VIPR2: variants seen among roughly 807,000 people sequenced by gnomAD.
VIPR2 encodes the protein vasoactive intestinal polypeptide receptor 2.
Under a neutral mutation model 58.0 loss-of-function variants are expected in VIPR2, and 48 were observed. That is an observed-to-expected ratio of 0.83 (90% CI 0.66 to 1.05). VIPR2 has a LOEUF of 1.05. Ranked by LOEUF, VIPR2 falls within the 50% of genes least tolerant of loss-of-function variation. VIPR2 has a pLI of 0.00. For missense variants in VIPR2, 534 were observed against 558.0 expected, an observed-to-expected ratio of 0.96 and a Z score of 0.43; for synonymous variants, 243 against 235.2, an observed-to-expected ratio of 1.03 and a Z score of -0.30.
intron 4 of VIPR2, among the ~76,000 whole-genome samples, chr7:159,076,809 G>T (rs1345510838): frequency 6.6e-6 from 1 of 152,036 alleles, no homozygotes; most frequent in Non-Finnish European, 1.5e-5. Context: ...CGTTGGTTTA[G>T]TTTTTTTAAA....
intron 4 of VIPR2, among the ~76,000 whole-genome samples, chr7:159,064,909 G>C (rs1855995801): frequency 6.6e-6 from 1 of 152,196 alleles, no homozygotes; most frequent in African/African-American, 2.4e-5. Context: ...TCCTGTCTCA[G>C]CTTTGCAGGG....
rs56823055 is a variant in VIPR2, at chr7:159,126,203, T to C, written c.151+16243A>G. Among the ~76,000 whole-genome samples, 623 of 152,282 alleles carry C rather than the reference T, an allele frequency of 4.1e-3. 1 individual carries two copies. Among genetic ancestry groups the C allele is most frequent in the African/African-American group, 0.014 (597 of 41,552 alleles). On this transcript the variant is annotated intron_variant, in intron 2 of 12. Coordinates refer to ENST00000262178, the MANE Select transcript of VIPR2 (RefSeq NM_003382.5). ...CATTTTTGAATGCTGCCTTTTCAGG[T>C]GGCCAATTACAAAATATCTTGTTAC...
rs115734809 is a variant in VIPR2, at chr7:159,046,094, G to A, written c.456-2918C>T. On this transcript the variant is annotated intron_variant, in intron 5 of 12. Transcript: ENST00000262178. The stretch of plus-strand genomic sequence containing the variant: ...AAAATAAAAAGTATTGGATGGGTGT[G>A]AAGAAACTGGAACCCTCATATATTG... Among the ~76,000 whole-genome samples the A allele has an allele frequency of 8.4e-3, 1,272 of 152,226 alleles. 18 individuals are homozygous for A. Among genetic ancestry groups the A allele is most frequent in the African/African-American group, 0.029 (1,203 of 41,550 alleles).
At chr7:159,047,472 C>T (rs1854725505) in intron 5 of VIPR2, among the ~76,000 whole-genome samples, 1 of 151,946 alleles carries the variant, frequency 6.6e-6, no homozygotes, top group Admixed American at 6.6e-5. Flanking sequence ...TTCCATTTGT[C>T]AAAGAATTCG....
intron 2 of VIPR2, among the ~76,000 whole-genome samples, chr7:159,124,501 T>G (rs1237494600): frequency 6.6e-6 from 1 of 152,236 alleles, no homozygotes. Context: ...CATTGGTCTA[T>G]GTGCCTGTTT....
intron 2 of VIPR2, among the ~76,000 whole-genome samples, chr7:159,140,193 C>T (rs2129498230): frequency 6.6e-6 from 1 of 152,236 alleles, no homozygotes; most frequent in Non-Finnish European, 1.5e-5. Context: ...ATTTCTGGCA[C>T]TCTTTCACAC....
intron 1 of VIPR2, 85 bp downstream of exon 1, chr7:159,144,636 C>T: frequency 7.3e-7 from 1 of 1,377,096 alleles, no homozygotes; most frequent in Non-Finnish European, 9.5e-7. Flanking sequence ...GGGAGGAAGG[C>T]GAAGACCGGC....
chr7:159,039,630 T>TG (rs1182396766), intron 6 of VIPR2, among the ~76,000 whole-genome samples: 2 of 50,280 alleles, frequency 4.0e-5, no homozygotes, highest in African/African-American at 1.4e-4. Flanking sequence ...TTAGTGCCCC[T>TG]GTAAAGGGAC....
chr7:159,120,144 G>T (rs530445132), intron 2 of VIPR2, among the ~76,000 whole-genome samples: 5 of 152,314 alleles, frequency 3.3e-5, no homozygotes, highest in African/African-American at 1.2e-4. Flanking sequence ...CCACACAGCC[G>T]TGCCTGTGTT....
intron 3 of VIPR2, among the ~76,000 whole-genome samples, chr7:159,107,297 A>C (rs1795790288): frequency 6.6e-6 from 1 of 152,172 alleles, no homozygotes; most frequent in African/African-American, 2.4e-5. Context: ...CACAGAAAGC[A>C]AGTCAAGGGA....
intron 4 of VIPR2, among the ~76,000 whole-genome samples, chr7:159,063,679 CCT>C (rs1483144654): frequency 2.0e-5 from 3 of 148,354 alleles, no homozygotes; most frequent in African/African-American, 5.0e-5. Context: ...CATGCTGTCA[CCT>C]CTCAGTGGGG....
At chr7:159,058,614 T>A in intron 4 of VIPR2, 36 bp from the exon 5 acceptor site, 2 of 1,466,906 alleles carry the variant, frequency 1.4e-6, no homozygotes, top group Non-Finnish European at 1.9e-6. Flanking sequence ...AAGCTGAGGG[T>A]GACCAGCAAC....
intron 3 of VIPR2, among the ~76,000 whole-genome samples, chr7:159,109,518 G>A (rs1035457281): frequency 6.6e-6 from 1 of 152,162 alleles, no homozygotes; most frequent in East Asian, 1.9e-4. Flanking sequence ...GGGCCCCCTT[G>A]CCTCCCCTCC....
At position 159,031,707 on chromosome 7, in the gene VIPR2, C is replaced by T; in HGVS notation, c.1143+121G>A. The T allele has an allele frequency of 1.9e-6, 3 of 1,563,884 alleles. No individual in the cohort carries two copies. The highest frequency in any genetic ancestry group is 2.6e-6 in the Non-Finnish European group (3 of 1,160,440). On this transcript the variant is annotated intron_variant, in intron 12 of 12. Transcript: ENST00000262178. This position sits in a 1 kb window ranked among gnomAD's most constrained non-coding sequence, Gnocchi z 4.0. ...GATGGGGACACAGAACTGTGGGGTC[C>T]CGGGCAGTAACTCGAGCCCGCGGAA... is the stretch of plus-strand genomic sequence containing the variant.
At chr7:159,072,623 C>T (rs578042280) in intron 4 of VIPR2, among the ~76,000 whole-genome samples, 2 of 152,142 alleles carry the variant, frequency 1.3e-5, no homozygotes, top group Admixed American at 1.3e-4. Flanking sequence ...ACGACAGGCC[C>T]ATGAGGCCCT....
intron 4 of VIPR2, among the ~76,000 whole-genome samples, chr7:159,066,389 T>C (rs1856094385): frequency 6.6e-6 from 1 of 151,638 alleles, no homozygotes; most frequent in African/African-American, 2.4e-5. Flanking sequence ...GATTCTAGGA[T>C]GCCTGCTCCT....
At chr7:159,129,034 G>A (rs946928390) in intron 2 of VIPR2, among the ~76,000 whole-genome samples, 1 of 152,244 alleles carries the variant, frequency 6.6e-6, no homozygotes, top group Non-Finnish European at 1.5e-5. Context: ...GGTCTTGGGG[G>A]CAATGGCACG....
rs913915471 is a variant in VIPR2 at position 159,028,600 on chromosome 7, G to C, written c.*2016C>G. On this transcript the variant is annotated 3_prime_UTR_variant, in exon 13 of 13. Coordinates refer to ENST00000262178, the MANE Select transcript of VIPR2 (RefSeq NM_003382.5). ...AATCTTTGTTTCCTCAAAAACCTGA[G>C]AGTAGGTGGGGGATGCTCCCTTTTG... The C allele has an allele frequency of 1.6e-4, 25 of 152,564 alleles. No individual in the cohort carries two copies. Among genetic ancestry groups the C allele is most frequent in the African/African-American group, 5.5e-4 (23 of 41,586 alleles). 9.5% of individuals were successfully genotyped at this position (152,564 alleles called of 1,614,324 possible). A position where few individuals can be genotyped will look rare whatever the true frequency, so the allele number is the denominator to read the frequency against.
chr7:159,099,534 G>C lies in VIPR2; in HGVS notation c.357+4223C>G, dbSNP rs1858080720. ...ATCACTCTTTATAACCCAGGCTGGG[G>C]CTCAGAAAGGAGGTTCCCAGGGAAT... On this transcript the variant is annotated intron_variant, in intron 4 of 12. Transcript: ENST00000262178. This position sits in a 1 kb window ranked among gnomAD's most constrained non-coding sequence, Gnocchi z 4.2. Among the ~76,000 whole-genome samples, 2 of 152,180 alleles carry C rather than the reference G, an allele frequency of 1.3e-5. No individual in the cohort carries two copies. The highest frequency in any genetic ancestry group is 4.8e-5 in the African/African-American group (2 of 41,444).
Sources: allele counts gnomAD v4.1 joint callset (sites outside exome capture counted in the v4.1 genomes callset), GRCh38; gene constraint gnomAD v4.1.1; non-coding constraint Gnocchi (gnomAD v3.1); transcripts MANE v1.5; gene names NCBI Gene and HGNC (gene_info 2026-07-23, HGNC 2026-07-21).